PCOLCE2: variants seen among roughly 807,000 people sequenced by gnomAD.
PCOLCE2 encodes the protein procollagen C-proteinase enhancer 2.
Under a neutral mutation model 47.0 loss-of-function variants are expected in PCOLCE2, and 42 were observed. That is an observed-to-expected ratio of 0.89 (90% CI 0.70 to 1.16). PCOLCE2 has a LOEUF of 1.16. Ranked by LOEUF, PCOLCE2 falls within the 50% of genes most tolerant of loss-of-function variation. PCOLCE2 has a pLI of 0.00. For missense variants in PCOLCE2, 500 were observed against 526.1 expected (o/e 0.95, Z 0.49); for synonymous variants, 169 against 191.7 (o/e 0.88, Z 0.98).
Position 142,842,124 on chromosome 3 carries a change from C to A in PCOLCE2, c.573+800G>T, listed in dbSNP as rs1487104542. ...ACAACCAAAAACACCCTAAAGCAGA[C>A]CAGCTTGTTCTTTGAAGAGATAATG... On this transcript the variant is annotated intron_variant, in intron 4 of 8. Coordinates refer to ENST00000295992, the MANE Select transcript of PCOLCE2 (RefSeq NM_013363.4). This position sits in a 1 kb window ranked among gnomAD's most constrained non-coding sequence, Gnocchi z 4.1. Among the ~76,000 whole-genome samples the A allele has an allele frequency of 6.6e-6, 1 of 152,184 alleles. No individual in the cohort carries two copies. Among genetic ancestry groups the A allele is most frequent in the Non-Finnish European group, 1.5e-5 (1 of 68,038 alleles).
intron 2 of PCOLCE2, among the ~76,000 whole-genome samples, chr3:142,877,017 A>G (rs1318766180): frequency 6.6e-6 from 1 of 152,188 alleles, no homozygotes; most frequent in Non-Finnish European, 1.5e-5. Flanking sequence ...ATACACTCTT[A>G]ACCACCATAT....
chr3:142,818,558 T>C, intron 8 of PCOLCE2, 93 bp from the exon 9 acceptor site: 1 of 975,194 alleles, frequency 1.0e-6, no homozygotes, highest in Non-Finnish European at 1.6e-6. Flanking sequence ...AAATGTTCTC[T>C]TCTGCAAATG....
At chr3:142,829,384 A>G (rs949531212) in intron 6 of PCOLCE2, among the ~76,000 whole-genome samples, 5 of 152,122 alleles carry the variant, frequency 3.3e-5, no homozygotes, top group African/African-American at 1.2e-4. Flanking sequence ...AATAAAAAGC[A>G]AACGACAAGT....
At chr3:142,836,935 T>C (rs1215143236) in intron 5 of PCOLCE2, among the ~76,000 whole-genome samples, 1 of 152,216 alleles carries the variant, frequency 6.6e-6, no homozygotes, top group Non-Finnish European at 1.5e-5. Context: ...TCCTAATCCC[T>C]GGACACTGTA....
chr3:142,827,166 A>G, intron 6 of PCOLCE2: 1 of 1,416,626 alleles, frequency 7.1e-7, no homozygotes, highest in South Asian at 1.2e-5. Context: ...AATGAGACCC[A>G]TTTTGCAGCC....
In PCOLCE2 at chr3:142,820,050, C is replaced by T. The variant is rs144578561; in HGVS notation, c.1117+828G>A. Among the ~76,000 whole-genome samples, 733 of 152,126 alleles carry T rather than the reference C, an allele frequency of 4.8e-3. 5 individuals carry two copies. Among genetic ancestry groups the T allele is most frequent in the African/African-American group, 0.017 (698 of 41,500 alleles). On this transcript the variant is annotated intron_variant, in intron 8 of 8. Transcript: ENST00000295992. ...TGCAGAACTTGTGTGTGATATGATTCCATAAGTGTATATGCCCATGCTTTA... is the reference window on the plus strand; with the variant it reads ...TGCAGAACTTGTGTGTGATATGATTTCATAAGTGTATATGCCCATGCTTTA...
At chr3:142,845,286 G>T (rs115999062) in intron 3 of PCOLCE2, among the ~76,000 whole-genome samples, 6 of 152,040 alleles carry the variant, frequency 3.9e-5, no homozygotes, top group Admixed American at 1.3e-4. Flanking sequence ...TGTACTTCAC[G>T]TGTTGTATAT....
intron 6 of PCOLCE2, among the ~76,000 whole-genome samples, chr3:142,826,145 C>A (rs982621175): frequency 9.2e-5 from 14 of 152,052 alleles, no homozygotes; most frequent in African/African-American, 3.4e-4. Flanking sequence ...GCTGGGACTA[C>A]AGGTGCCCAC....
At chr3:142,844,543 C>A (rs1423475306) in intron 3 of PCOLCE2, among the ~76,000 whole-genome samples, 1 of 152,216 alleles carries the variant, frequency 6.6e-6, no homozygotes, top group Non-Finnish European at 1.5e-5. Flanking sequence ...GGTTGCTTTA[C>A]ATCTTTGCTA....
At chr3:142,856,254 A>G (rs1296968006) in intron 2 of PCOLCE2, among the ~76,000 whole-genome samples, 1 of 152,164 alleles carries the variant, frequency 6.6e-6, no homozygotes, top group Non-Finnish European at 1.5e-5. Flanking sequence ...AAAATTCAGA[A>G]TCATCGAGGC....
At chr3:142,863,499 G>A (rs1933221765) in intron 2 of PCOLCE2, among the ~76,000 whole-genome samples, 1 of 152,208 alleles carries the variant, frequency 6.6e-6, no homozygotes, top group African/African-American at 2.4e-5. Flanking sequence ...TGATCAGATA[G>A]ATGGGACATG....
At chr3:142,863,050 C>G (rs1578045223) in intron 2 of PCOLCE2, among the ~76,000 whole-genome samples, 2 of 147,416 alleles carry the variant, frequency 1.4e-5, no homozygotes, top group African/African-American at 5.0e-5. Flanking sequence ...ATTTTTCACA[C>G]CTTCTCCTAC....
intron 2 of PCOLCE2, among the ~76,000 whole-genome samples, chr3:142,867,372 T>G (rs1484842584): frequency 6.6e-6 from 1 of 152,214 alleles, no homozygotes; most frequent in African/African-American, 2.4e-5. Context: ...AAGAAAGTAG[T>G]AACTGCAAGA....
At chr3:142,818,595 C>T (rs973415450) in intron 8 of PCOLCE2, 130 bp from the exon 9 acceptor site, 8 of 731,520 alleles carry the variant, frequency 1.1e-5, no homozygotes, top group East Asian at 5.3e-5. Flanking sequence ...ATTCCATCCA[C>T]GATAAAATCT....
At chr3:142,869,803 A>C (rs1933349423) in intron 2 of PCOLCE2, among the ~76,000 whole-genome samples, 2 of 152,210 alleles carry the variant, frequency 1.3e-5, no homozygotes, top group Admixed American at 1.3e-4. Flanking sequence ...TGTACACCTT[A>C]CATGTAATGA....
rs771853580 is a variant in PCOLCE2 at position 142,818,452 on chromosome 3, A to G, written c.1131T>C (p.Ile377=). 1 of 1,611,550 alleles carries G rather than the reference A, an allele frequency of 6.2e-7. No homozygotes were observed. The highest frequency in any genetic ancestry group is 1.1e-5 in the South Asian group (1 of 91,028). ...CATCTTCACCTACTTGGCCCATAAT[A>G]ATGTAATTTAGACCTAAAGAAAGAG... ...CPLLRRGLNY[I]IMGQVGEDGR... is the part of the protein sequence containing the mutation. Residue 377 remains isoleucine, a synonymous_variant, in exon 9 of 9, where the codon ATT becomes ATC. Coordinates refer to ENST00000295992, the MANE Select transcript of PCOLCE2 (RefSeq NM_013363.4).
At chr3:142,877,033 T>C (rs2108210376) in intron 2 of PCOLCE2, among the ~76,000 whole-genome samples, 1 of 152,362 alleles carries the variant, frequency 6.6e-6, no homozygotes, top group Non-Finnish European at 1.5e-5. Context: ...CATATCATGT[T>C]GTGTCTCTAT....
intron 2 of PCOLCE2, among the ~76,000 whole-genome samples, chr3:142,869,171 G>A (rs1161663458): frequency 1.3e-5 from 2 of 151,796 alleles, no homozygotes; most frequent in East Asian, 1.9e-4. Context: ...GGCGCCTGTA[G>A]TCCCAGCTAC....
chr3:142,862,373 C>A (rs1933196940), intron 2 of PCOLCE2, among the ~76,000 whole-genome samples: 1 of 152,186 alleles, frequency 6.6e-6, no homozygotes, highest in South Asian at 2.1e-4. Context: ...CGTTCTCTCT[C>A]TTCTGTTAAT....
Sources: gnomAD v4.1 joint callset for allele counts (sites outside exome capture counted in the v4.1 genomes callset) on GRCh38, gnomAD v4.1.1 for gene constraint, Gnocchi (gnomAD v3.1) non-coding constraint, MANE v1.5 for transcripts, NCBI Gene and HGNC (gene_info 2026-07-23, HGNC 2026-07-21) for gene names.